Variants in SHTN1 observed in about 807,000 individuals in gnomAD.
The protein encoded by SHTN1 is shootin 1, also known as shootin-1.
A neutral mutation model predicts 83.1 loss-of-function variants in SHTN1; 42 were observed. The ratio of observed to expected loss-of-function variants is 0.51; its 90% CI spans 0.39 to 0.65. The LOEUF (loss-of-function observed/expected upper bound fraction) is 0.65. SHTN1 is among the 30% of genes least tolerant of loss of function. The pLI, the probability that SHTN1 is intolerant of heterozygous loss-of-function variation, is 0.00. For missense variants in SHTN1, 622 were observed against 737.8 expected (o/e 0.84, Z 1.82); for synonymous variants, 224 against 247.7 (o/e 0.90, Z 0.90).
chr10:116,984,849 C>G (rs1851168137), intron 1 of SHTN1, among the ~76,000 whole-genome samples: 1 of 152,298 alleles, frequency 6.6e-6, no homozygotes, highest in African/African-American at 2.4e-5. Flanking sequence ...TACTGCCCAC[C>G]ATTCAGCCTC....
intron 1 of SHTN1, among the ~76,000 whole-genome samples, chr10:116,995,737 G>A (rs1470732937): frequency 6.6e-6 from 1 of 151,760 alleles, no homozygotes; most frequent in African/African-American, 2.4e-5. Context: ...CCAGTTTTTG[G>A]GAACTGAGGT....
At chr10:117,094,411 T>C (rs1589929920) in intron 1 of SHTN1, among the ~76,000 whole-genome samples, 1 of 152,300 alleles carries the variant, frequency 6.6e-6, no homozygotes, top group East Asian at 1.9e-4. Flanking sequence ...CCTTCCCCAG[T>C]TTTCCCCTCC....
intron 16 of SHTN1, among the ~76,000 whole-genome samples, chr10:116,892,932 T>A (rs1180296925): frequency 6.6e-6 from 1 of 152,326 alleles, no homozygotes; most frequent in South Asian, 2.1e-4. Flanking sequence ...TGGTTCTCTA[T>A]GCAGAAATGG....
chr10:117,074,859 A>C (rs1462360879), intron 1 of SHTN1, among the ~76,000 whole-genome samples: 1 of 152,080 alleles, frequency 6.6e-6, no homozygotes, highest in Non-Finnish European at 1.5e-5. Context: ...GATAGCAGGT[A>C]CTCTCTACGG....
chr10:116,946,487 TTA>T (rs902507542), intron 7 of SHTN1, among the ~76,000 whole-genome samples: 39 of 142,730 alleles, frequency 2.7e-4, no homozygotes, highest in African/African-American at 9.4e-4. Flanking sequence ...TGTAAATATT[TTA>T]TATATAAATA....
intron 1 of SHTN1, among the ~76,000 whole-genome samples, chr10:117,105,505 C>T (rs1853658022): frequency 6.6e-6 from 1 of 152,172 alleles, no homozygotes; most frequent in South Asian, 2.1e-4. Context: ...AGTCACACAG[C>T]TGGCATTTGG....
chr10:116,916,924 G>C (rs1477963616), intron 12 of SHTN1, among the ~76,000 whole-genome samples: 1 of 152,168 alleles, frequency 6.6e-6, no homozygotes. Flanking sequence ...ACAGTTTTCA[G>C]ATCCAGAAGT....
Position 117,110,984 on chromosome 10 carries a change from G to A in SHTN1, c.-189+15323C>T, listed in dbSNP as rs183662870. 1.6e-3 allele frequency among the ~76,000 whole-genome samples: 245 copies of A among 152,192 alleles called. 2 individuals are homozygous for A. Among genetic ancestry groups the A allele is most frequent in the African/African-American group, 5.7e-3 (237 of 41,562 alleles). ...AGCTAAGGCAGGCAGATCACCTGAGGTCAGAAGTTCAAGACCAGCCTGGCC... is the reference window on the plus strand; with the variant it reads ...AGCTAAGGCAGGCAGATCACCTGAGATCAGAAGTTCAAGACCAGCCTGGCC... On this transcript the variant is annotated intron_variant, in intron 1 of 17. Coordinates refer to the SHTN1 transcript ENST00000392901.
intron 1 of SHTN1, among the ~76,000 whole-genome samples, chr10:117,056,549 C>T (rs112857045): frequency 0.027 from 4,163 of 152,220 alleles, 176 homozygotes; most frequent in African/African-American, 0.091. Context: ...GTGGCTCACA[C>T]CTGTAATCCC....
At chr10:117,061,436 G>A (rs936713744) in intron 1 of SHTN1, among the ~76,000 whole-genome samples, 1 of 151,930 alleles carries the variant, frequency 6.6e-6, no homozygotes, top group Admixed American at 6.6e-5. Flanking sequence ...GACCTCAGGC[G>A]ATCCGCCCGC....
chr10:116,939,146 G>A (rs899697735), intron 9 of SHTN1, among the ~76,000 whole-genome samples: 1 of 152,170 alleles, frequency 6.6e-6, no homozygotes, highest in Non-Finnish European at 1.5e-5. Flanking sequence ...TGGCTCCCTG[G>A]CTTCTGCCCC....
intron 1 of SHTN1, among the ~76,000 whole-genome samples, chr10:116,997,581 G>T (rs1184992081): frequency 6.6e-6 from 1 of 152,194 alleles, no homozygotes; most frequent in Non-Finnish European, 1.5e-5. Context: ...TTTTCCTCAT[G>T]AGTCGACTGG....
At chr10:116,940,379 G>T in intron 9 of SHTN1, 87 bp downstream of exon 9, 3 of 1,338,178 alleles carry the variant, frequency 2.2e-6, no homozygotes, top group South Asian at 1.5e-5. Context: ...TGACTGGACT[G>T]ACTGCACTGG....
At chr10:117,032,013 T>C (rs947070886) in intron 2 of SHTN1, among the ~76,000 whole-genome samples, 2 of 151,144 alleles carry the variant, frequency 1.3e-5, no homozygotes, top group African/African-American at 4.9e-5. Context: ...AGAAACAAAC[T>C]TCATCCATAA....
At chr10:117,071,685 T>C (rs1853082707) in intron 1 of SHTN1, among the ~76,000 whole-genome samples, 1 of 152,102 alleles carries the variant, frequency 6.6e-6, no homozygotes, top group South Asian at 2.1e-4. Context: ...AGTCAGCCAC[T>C]TGCTCTGCTT....
intron 2 of SHTN1, among the ~76,000 whole-genome samples, chr10:117,032,724 G>A (rs1277470711): frequency 6.6e-6 from 1 of 152,080 alleles, no homozygotes; most frequent in Non-Finnish European, 1.5e-5. Flanking sequence ...TCATCAGTCA[G>A]CTGCAGAATA....
At chr10:116,933,912 T>C (rs557635399) in intron 9 of SHTN1, among the ~76,000 whole-genome samples, 1 of 152,370 alleles carries the variant, frequency 6.6e-6, no homozygotes, top group Admixed American at 6.5e-5. Flanking sequence ...ATTTCTCTAA[T>C]GACCAGTGAT....
rs539046138 is a variant in SHTN1, at chr10:116,999,229, T to TATTC, written c.58+5792_58+5793insGAAT. On this transcript the variant is annotated intron_variant, in intron 1 of 16. Coordinates refer to ENST00000355371, the MANE Select transcript of SHTN1 (RefSeq NM_001127211.3). ...GTGGTACGTCTGTACATTGGAACAT[T>TATTC]AATCAATTTTTAATGACAACGCTAC... is the stretch of plus-strand genomic sequence containing the variant. Among the ~76,000 whole-genome samples the TATTC allele has an allele frequency of 7.4e-4, 112 of 152,316 alleles. 2 individuals carry two copies. The South Asian group carries it at 0.022, about 30-fold the overall frequency.
intron 1 of SHTN1, among the ~76,000 whole-genome samples, chr10:117,089,721 T>C (rs1190800130): frequency 1.3e-5 from 2 of 151,934 alleles, no homozygotes; most frequent in East Asian, 3.9e-4. Context: ...TCAGAATATA[T>C]AAAGAACTCT....
Sources: gnomAD v4.1 joint callset for allele counts (sites outside exome capture counted in the v4.1 genomes callset) on GRCh38, gnomAD v4.1.1 for gene constraint, MANE v1.5 for transcripts, NCBI Gene and HGNC (gene_info 2026-07-23, HGNC 2026-07-21) for gene names.